Variants in ABCC5 observed in about 807,000 individuals in gnomAD.
The protein encoded by ABCC5 is ATP-binding cassette sub-family C member 5.
ABCC5 carries 61 observed loss-of-function variants against 160.9 expected under a neutral mutation model. The ratio of observed to expected loss-of-function variants is 0.38; its 90% CI spans 0.31 to 0.47. The LOEUF (loss-of-function observed/expected upper bound fraction) is 0.47. Among genes scored for constraint, ABCC5 ranks in the 20% least tolerant of loss-of-function variants. The probability of loss-of-function intolerance (pLI) is 0.99; values close to 1 mark genes in which losing one functional copy is unlikely to be tolerated. For synonymous variants in ABCC5, 666 were observed against 700.6 expected (o/e 0.95, Z 0.78); for missense variants, 1,308 against 1,813.3 (o/e 0.72, Z 5.06).
intron 2 of ABCC5, among the ~76,000 whole-genome samples, chr3:184,002,824 C>G (rs1367050883): frequency 1.3e-5 from 2 of 152,208 alleles, no homozygotes; most frequent in Non-Finnish European, 2.9e-5. Flanking sequence ...CCTAATAAGC[C>G]TCGGGCTGAG....
At chr3:183,954,474 G>A (rs1370278046) in intron 17 of ABCC5, among the ~76,000 whole-genome samples, 2 of 152,142 alleles carry the variant, frequency 1.3e-5, no homozygotes, top group African/African-American at 2.4e-5. Context: ...ACTAGATCTC[G>A]CAGCTGACCG....
At chr3:183,983,905 T>A in intron 5 of ABCC5, 4 of 985,294 alleles carry the variant, frequency 4.1e-6, no homozygotes, top group Non-Finnish European at 4.8e-6. Flanking sequence ...ATCTAACAGG[T>A]CATCTGGTCT....
intron 2 of ABCC5, chr3:184,010,024 T>C (rs1243808722): frequency 9.6e-6 from 4 of 418,346 alleles, no homozygotes; most frequent in East Asian, 1.4e-4. Flanking sequence ...TAAAAGTTCA[T>C]GGCCAGATGT....
intron 2 of ABCC5, among the ~76,000 whole-genome samples, chr3:183,990,296 G>A (rs991587652): frequency 1.3e-5 from 2 of 151,870 alleles, no homozygotes; most frequent in East Asian, 1.9e-4. Context: ...TAGTAGACAC[G>A]GGGTTTCACC....
rs1300228615 is a variant in ABCC5 at position 183,988,897 on chromosome 3, G to C, written c.288-170C>G. Among the ~76,000 whole-genome samples the C allele has an allele frequency of 6.6e-6, 1 of 152,076 alleles. No homozygotes were observed. The highest frequency in any genetic ancestry group is 1.5e-5 in the Non-Finnish European group (1 of 68,014). On this transcript the variant is annotated intron_variant, in intron 3 of 29. Coordinates refer to ENST00000334444, the MANE Select transcript of ABCC5 (RefSeq NM_005688.4). This position sits in a 1 kb window ranked among gnomAD's most constrained non-coding sequence, Gnocchi z 4.4. Reference sequence around the variant, plus strand: ...ACGGCTTTGATGGGCCGGGCGCGGTGGCTCACACCTGTAATCCCAGCACTT... The same window carrying C: ...ACGGCTTTGATGGGCCGGGCGCGGTCGCTCACACCTGTAATCCCAGCACTT...
chr3:183,998,507 G>A (rs1380325218), intron 2 of ABCC5, among the ~76,000 whole-genome samples: 1 of 152,078 alleles, frequency 6.6e-6, no homozygotes, highest in Non-Finnish European at 1.5e-5. Flanking sequence ...GTTTTAAATG[G>A]TTTACAGATA....
rs1712444633 is a variant in ABCC5 at position 183,925,495 on chromosome 3, C to T, written c.4212+60G>A. The T allele has an allele frequency of 1.0e-5, 16 of 1,586,380 alleles. No individual in the cohort carries two copies. The South Asian group carries it at 1.8e-4, about 18-fold the overall frequency. ...TACAAAGATGGCAATCAGTCCATCCCTGCCAGGGGCCAGTTTCCTCCCAGA... is the reference window on the plus strand; with the variant it reads ...TACAAAGATGGCAATCAGTCCATCCTTGCCAGGGGCCAGTTTCCTCCCAGA... On this transcript the variant is annotated intron_variant, in intron 29 of 29. Transcript: ENST00000334444.
intron 2 of ABCC5, among the ~76,000 whole-genome samples, chr3:184,013,846 C>A (rs1323316387): frequency 6.6e-6 from 1 of 152,146 alleles, no homozygotes; most frequent in Non-Finnish European, 1.5e-5. Flanking sequence ...ACCATAAATT[C>A]TTAACAGTAA....
chr3:183,949,791 G>A lies in ABCC5; in HGVS notation c.3189C>T (p.Thr1063=). 1 of 1,614,210 alleles carries A rather than the reference G, an allele frequency of 6.2e-7. No individual in the cohort carries two copies. The highest frequency in any genetic ancestry group is 1.3e-5 in the African/African-American group (1 of 75,062). Reference sequence around the variant, plus strand: ...CCTGCCCTTTATTGTAGGCGTGGATGGTGGCAAGGCCCTGTATGCTGGACG... The same window carrying A: ...CCTGCCCTTTATTGTAGGCGTGGATAGTGGCAAGGCCCTGTATGCTGGACG... ...HITSSIQGLA[T]IHAYNKGQEF... The change falls in exon 22 of 30, where the codon ACC becomes ACT. Residue 1063 remains threonine (T), a synonymous_variant. Transcript: ENST00000334444. This position sits in a 1 kb window ranked among gnomAD's most constrained non-coding sequence, Gnocchi z 4.2.
chr3:183,983,825 CTG>C, intron 5 of ABCC5: 1 of 985,432 alleles, frequency 1.0e-6, no homozygotes, highest in Non-Finnish European at 1.2e-6. Flanking sequence ...CTCACAAACA[CTG>C]TACAGCAGGT....
At chr3:183,927,853 T>C (rs1283001832) in intron 27 of ABCC5, 3 of 978,900 alleles carry the variant, frequency 3.1e-6, no homozygotes, top group Non-Finnish European at 3.6e-6. Flanking sequence ...GCAGAACTTA[T>C]TCTTCAAATG....
Position 183,963,724 on chromosome 3 carries a change from G to A in ABCC5, c.2032-136C>T, listed in dbSNP as rs1716983240. The A allele has an allele frequency of 1.3e-6, 1 of 772,764 alleles. No homozygotes were observed. Among genetic ancestry groups the A allele is most frequent in the South Asian group, 1.8e-5 (1 of 56,300 alleles). 47.9% of individuals were successfully genotyped at this position (772,764 alleles called of 1,614,324 possible). A position where few individuals can be genotyped will look rare whatever the true frequency, so the allele number is the denominator to read the frequency against. Reference sequence around the variant, plus strand: ...TTCCCCGCAGATGAACTGCCATGCTGATTCCCCGCAGATGAACTGCCATGC... The same window carrying A: ...TTCCCCGCAGATGAACTGCCATGCTAATTCCCCGCAGATGAACTGCCATGC... On this transcript the variant is annotated intron_variant, in intron 14 of 29. Transcript: ENST00000334444. The surrounding 1 kb of genome is among the most constrained non-coding windows in gnomAD (Gnocchi z 4.6).
At chr3:183,991,861 A>G (rs1455885264) in intron 2 of ABCC5, among the ~76,000 whole-genome samples, 1 of 152,238 alleles carries the variant, frequency 6.6e-6, no homozygotes, top group Admixed American at 6.5e-5. Context: ...GGGGAAGGAA[A>G]AAACCTCCTG....
intron 26 of ABCC5, 103 bp downstream of exon 26, chr3:183,937,798 G>A: frequency 8.5e-6 from 11 of 1,289,336 alleles, no homozygotes; most frequent in Non-Finnish European, 1.2e-5. Context: ...GACTAGAGAT[G>A]GTGAGCTCAT....
chr3:183,976,443 C>T (rs769635012), intron 10 of ABCC5, among the ~76,000 whole-genome samples: 6 of 151,608 alleles, frequency 4.0e-5, no homozygotes, highest in Admixed American at 2.0e-4. Context: ...TTTGTAGAGA[C>T]GGGGTCTTGC....
intron 17 of ABCC5, among the ~76,000 whole-genome samples, chr3:183,954,971 T>C (rs1450710321): frequency 6.6e-6 from 1 of 152,178 alleles, no homozygotes; most frequent in African/African-American, 2.4e-5. Flanking sequence ...GATTTTCTGA[T>C]TGGCAATTGG....
chr3:183,967,595 G>A lies in ABCC5; in HGVS notation c.1833+100C>T, dbSNP rs950243273. ...TACAATGCAGGCTGAGGGTTCATTT[G>A]TTTCCACCTTTCCTGACTCTCCAGG... On this transcript the variant is annotated intron_variant, in intron 12 of 29. Transcript: ENST00000334444. 7.7e-5 allele frequency: 81 copies of A among 1,049,328 alleles called. No individual in the cohort carries two copies. The Admixed American group carries it at 1.4e-3, about 18-fold the overall frequency. 65.0% of individuals were successfully genotyped at this position (1,049,328 alleles called of 1,614,324 possible).
intron 1 of ABCC5, among the ~76,000 whole-genome samples, chr3:184,015,773 G>A (rs946119221): frequency 2.0e-5 from 3 of 151,740 alleles, no homozygotes; most frequent in African/African-American, 7.3e-5. Flanking sequence ...CAGCAATCAC[G>A]TCATTGAGAC....
intron 27 of ABCC5, 94 bp downstream of exon 27, chr3:183,928,653 G>A: frequency 1.8e-6 from 2 of 1,140,860 alleles, no homozygotes; most frequent in Admixed American, 1.9e-5. Flanking sequence ...AGGCATCCTG[G>A]AGGCACGGCC....
Sources: gnomAD v4.1 joint callset for allele counts (sites outside exome capture counted in the v4.1 genomes callset) on GRCh38, gnomAD v4.1.1 for gene constraint, Gnocchi (gnomAD v3.1) non-coding constraint, MANE v1.5 for transcripts, NCBI Gene and HGNC (gene_info 2026-07-23, HGNC 2026-07-21) for gene names.